Variants in TLK1 observed in about 807,000 individuals in gnomAD.
TLK1 encodes serine/threonine-protein kinase tousled-like 1.
A neutral mutation model predicts 105.3 loss-of-function variants in TLK1; 24 were observed. That is an observed-to-expected ratio of 0.23 (90% confidence interval 0.17 to 0.32). The LOEUF is 0.32. Ranked by LOEUF, TLK1 falls within the 10% of genes least tolerant of loss-of-function variation. TLK1 has a pLI of 1.00. For missense variants in TLK1, 558 were observed against 910.5 expected, an observed-to-expected ratio of 0.61 and a Z score of 4.98; for synonymous variants, 321 against 310.4, an observed-to-expected ratio of 1.03 and a Z score of -0.36.
At chr2:171,216,227 A>C (rs1208488048) in intron 1 of TLK1, among the ~76,000 whole-genome samples, 1 of 152,228 alleles carries the variant, frequency 6.6e-6, no homozygotes, top group Non-Finnish European at 1.5e-5. Flanking sequence ...CTGTAATCCC[A>C]GCACTTTGGG....
intron 12 of TLK1, among the ~76,000 whole-genome samples, chr2:171,027,182 A>G (rs1387111128): frequency 6.6e-6 from 1 of 152,100 alleles, no homozygotes; most frequent in Non-Finnish European, 1.5e-5. Context: ...TCTCCATCCT[A>G]CCTCACCCTA....
At chr2:171,205,205 C>A (rs565292812) in intron 1 of TLK1, among the ~76,000 whole-genome samples, 1 of 151,920 alleles carries the variant, frequency 6.6e-6, no homozygotes. Context: ...AGAGTAAGAC[C>A]CTGTCTCTAA....
chr2:171,188,200 T>C (rs1195681060), intron 1 of TLK1, among the ~76,000 whole-genome samples: 2 of 152,152 alleles, frequency 1.3e-5, no homozygotes, highest in African/African-American at 4.8e-5. Flanking sequence ...CTGAAAACAA[T>C]CCAAAGTCTC....
At chr2:171,050,248 T>C in intron 8 of TLK1, 74 bp from the exon 9 acceptor site, 2 of 1,016,892 alleles carry the variant, frequency 2.0e-6, no homozygotes. Flanking sequence ...TTTAATGTTC[T>C]AAATAAATTA....
chr2:171,114,352 T>C (rs980557696), intron 2 of TLK1, among the ~76,000 whole-genome samples: 1 of 152,208 alleles, frequency 6.6e-6, no homozygotes, highest in African/African-American at 2.4e-5. Context: ...GCTTTTGAAC[T>C]GGGGAGATTA....
chr2:171,080,196 C>CAA (rs559492309), intron 3 of TLK1, among the ~76,000 whole-genome samples: 42 of 59,954 alleles, frequency 7.0e-4, no homozygotes, highest in African/African-American at 1.6e-3. Flanking sequence ...GACTCCATCT[C>CAA]AAAAAAAAAA....
chr2:171,072,368 C>A (rs1335198873), intron 3 of TLK1, among the ~76,000 whole-genome samples: 1 of 152,204 alleles, frequency 6.6e-6, no homozygotes, highest in African/African-American at 2.4e-5. Context: ...AATCTCAGCA[C>A]TTTGAGAGGC....
chr2:171,225,260 A>T (rs938309879), intron 1 of TLK1, among the ~76,000 whole-genome samples: 2 of 152,210 alleles, frequency 1.3e-5, no homozygotes, highest in Non-Finnish European at 2.9e-5. Context: ...TGTATGCAGA[A>T]TATATAATAA....
intron 1 of TLK1, among the ~76,000 whole-genome samples, chr2:171,151,129 C>T (rs1334954548): frequency 6.6e-6 from 1 of 151,914 alleles, no homozygotes; most frequent in Admixed American, 6.6e-5. Flanking sequence ...TCAGGCGATC[C>T]ACCTCAGCCT....
At chr2:171,185,337 A>C (rs1450599690) in intron 1 of TLK1, among the ~76,000 whole-genome samples, 1 of 152,164 alleles carries the variant, frequency 6.6e-6, no homozygotes, top group Non-Finnish European at 1.5e-5. Flanking sequence ...TAAAAATGCA[A>C]GTATCATCAG....
At chr2:171,170,772 T>C (rs1692712566) in intron 1 of TLK1, among the ~76,000 whole-genome samples, 1 of 152,230 alleles carries the variant, frequency 6.6e-6, no homozygotes, top group Admixed American at 6.5e-5. Context: ...GCATAGCCTA[T>C]CCTGTCTTGA....
intron 1 of TLK1, among the ~76,000 whole-genome samples, chr2:171,212,901 T>TAA (rs11452467): frequency 0.2 from 30,188 of 151,128 alleles, 3,174 homozygotes; most frequent in South Asian, 0.26. Flanking sequence ...TGTTTTTTTT[T>TAA]AAAAAAAACA....
chr2:171,096,056 C>G (rs912010159), intron 2 of TLK1, among the ~76,000 whole-genome samples: 3 of 152,086 alleles, frequency 2.0e-5, no homozygotes, highest in Non-Finnish European at 1.5e-5. Context: ...AGAATACAAG[C>G]CATCCATGTC....
intron 3 of TLK1, among the ~76,000 whole-genome samples, chr2:171,079,642 G>GA (rs1216667567): frequency 1.3e-5 from 2 of 151,988 alleles, no homozygotes; most frequent in African/African-American, 4.8e-5. Context: ...TTTACGAGAG[G>GA]AAAAACTTTT....
intron 1 of TLK1, among the ~76,000 whole-genome samples, chr2:171,137,660 G>T (rs1391580558): frequency 6.6e-6 from 1 of 151,868 alleles, no homozygotes; most frequent in East Asian, 1.9e-4. Flanking sequence ...ACCAACCTGG[G>T]CAACATGGTG....
At chr2:171,044,705 AT>A (rs1686858116) in intron 11 of TLK1, among the ~76,000 whole-genome samples, 1 of 152,226 alleles carries the variant, frequency 6.6e-6, no homozygotes, top group African/African-American at 2.4e-5. Flanking sequence ...AGTCATCTAC[AT>A]TTTACAGATT....
intron 1 of TLK1, among the ~76,000 whole-genome samples, chr2:171,150,160 C>T (rs1691975097): frequency 1.3e-5 from 2 of 152,262 alleles, no homozygotes; most frequent in South Asian, 4.1e-4. Flanking sequence ...AGTACATGCT[C>T]ACCTCATGCC....
chr2:171,143,506 C>CAAAAAAAAAAA (rs577555732), intron 1 of TLK1, among the ~76,000 whole-genome samples: 4 of 44,304 alleles, frequency 9.0e-5, no homozygotes, highest in Non-Finnish European at 1.2e-4. Context: ...ACTCTATCTC[C>CAAAAAAAAAAA]AAAAAAAAAA....
intron 1 of TLK1, among the ~76,000 whole-genome samples, chr2:171,132,774 G>C (rs1304963681): frequency 6.6e-6 from 1 of 152,116 alleles, no homozygotes; most frequent in African/African-American, 2.4e-5. Flanking sequence ...ATTGAGGTGG[G>C]AGAATCCCTT....
Sources: gnomAD v4.1 joint callset for allele counts (sites outside exome capture counted in the v4.1 genomes callset) on GRCh38, gnomAD v4.1.1 for gene constraint, MANE v1.5 for transcripts, NCBI Gene and HGNC (gene_info 2026-07-23, HGNC 2026-07-21) for gene names.